The following MMP26 variants were observed in gnomAD, a reference collection of about 807,000 sequenced individuals.
MMP26 encodes the protein matrix metallopeptidase 26.
Under a neutral mutation model 31.0 loss-of-function variants are expected in MMP26, and 33 were observed. The observed-to-expected ratio is 1.06, with a 90% CI of 0.81 to 1.42. MMP26 has a LOEUF of 1.42. MMP26 is among the 40% of genes most tolerant of loss of function. The pLI is 0.00. For missense variants in MMP26, 347 were observed against 316.1 expected, an observed-to-expected ratio of 1.10 and a Z score of -0.74; for synonymous variants, 122 against 114.9, an observed-to-expected ratio of 1.06 and a Z score of -0.40.
rs190403536 is a variant in MMP26 at position 4,952,317 on chromosome 11, C to G, written c.-144-35751C>G. Among the ~76,000 whole-genome samples the G allele has an allele frequency of 2.1e-4, 26 of 125,006 alleles. 5 individuals carry two copies. In the East Asian group the frequency reaches 4.8e-3, roughly 23 times the overall value. The allele number at this position is 125,006 out of a possible 152,430, so 82.0% of individuals were successfully genotyped here. On this transcript the variant is annotated intron_variant, in intron 2 of 7. Transcript: ENST00000380390. ...GCTTATTAAAGCCAACTAATTGCTC[C>G]TCATCTTGTTAGTGGAAATGAAGTC...
intron 2 of MMP26, chr11:4,821,945 T>C: frequency 4.3e-6 from 7 of 1,613,996 alleles, no homozygotes; most frequent in Non-Finnish European, 5.1e-6. Context: ...AGTTCTATGG[T>C]CCTTTCACAT....
intron 2 of MMP26, among the ~76,000 whole-genome samples, chr11:4,898,556 G>A (rs566088348): frequency 1.1e-4 from 17 of 152,030 alleles, no homozygotes; most frequent in Non-Finnish European, 2.2e-4. Context: ...GTTTCTATGG[G>A]GATTAATGTA....
rs745311081 is a variant in MMP26 at position 4,821,902 on chromosome 11, G to A, written c.-145+54561G>A. Reference sequence around the variant, plus strand: ...AAGAAATGTTGCCGTCATGTTGCCAGTCATGCTCTTTGTCAAGAGGTTGTC... The same window carrying A: ...AAGAAATGTTGCCGTCATGTTGCCAATCATGCTCTTTGTCAAGAGGTTGTC... On this transcript the variant is annotated intron_variant, in intron 2 of 7. Coordinates refer to ENST00000380390, the MANE Select transcript of MMP26 (RefSeq NM_021801.5). The A allele has an allele frequency of 1.8e-5, 29 of 1,614,016 alleles. No homozygotes were observed. Among genetic ancestry groups the A allele is most frequent in the Non-Finnish European group, 2.3e-5 (27 of 1,179,978 alleles).
chr11:4,975,753 G>T (rs1352317901), intron 2 of MMP26, among the ~76,000 whole-genome samples: 1 of 151,956 alleles, frequency 6.6e-6, no homozygotes, highest in African/African-American at 2.4e-5. Flanking sequence ...TGGATGTATG[G>T]AGATACGGTT....
At chr11:4,844,673 T>G (rs1403074566) in intron 2 of MMP26, among the ~76,000 whole-genome samples, 1 of 152,136 alleles carries the variant, frequency 6.6e-6, no homozygotes, top group Non-Finnish European at 1.5e-5. Context: ...ATATGATCAT[T>G]TCAATTAATG....
At chr11:4,828,170 T>C (rs571077319) in intron 2 of MMP26, among the ~76,000 whole-genome samples, 1 of 152,274 alleles carries the variant, frequency 6.6e-6, no homozygotes, top group South Asian at 2.1e-4. Context: ...TGTATAAGAA[T>C]AGGAATGTGA....
At chr11:4,981,440 T>C (rs1189209675) in intron 2 of MMP26, among the ~76,000 whole-genome samples, 1 of 152,040 alleles carries the variant, frequency 6.6e-6, no homozygotes, top group Non-Finnish European at 1.5e-5. Context: ...TGTAACACAA[T>C]AGTAAATATC....
In MMP26 at chr11:4,924,222, C is replaced by T. The variant is rs138271821; in HGVS notation, c.-144-63846C>T. ...AGAATGGTGAGGTTCCCCAAGATAA[C>T]TGTCAGGTAGATGAAGCAGAAGGGA... is the stretch of plus-strand genomic sequence containing the variant. On this transcript the variant is annotated intron_variant, in intron 2 of 7. Coordinates refer to ENST00000380390, the MANE Select transcript of MMP26 (RefSeq NM_021801.5). 1.1e-3 allele frequency: 1,779 copies of T among 1,614,116 alleles called. 2 individuals are homozygous for T. The highest frequency in any genetic ancestry group is 1.4e-3 in the Non-Finnish European group (1,699 of 1,180,030).
At chr11:4,769,593 A>T (rs777828936) in intron 2 of MMP26, 8 of 1,613,332 alleles carry the variant, frequency 5.0e-6, no homozygotes, top group Non-Finnish European at 5.9e-6. Context: ...ATAAAAGTGA[A>T]TCCATGAAGA....
intron 2 of MMP26, among the ~76,000 whole-genome samples, chr11:4,789,043 G>T (rs1158721925): frequency 6.6e-6 from 1 of 152,124 alleles, no homozygotes; most frequent in Non-Finnish European, 1.5e-5. Context: ...TCTATTTGTG[G>T]GTAAGTGGAA....
At chr11:4,825,256 T>C (rs1427634909) in intron 2 of MMP26, among the ~76,000 whole-genome samples, 1 of 152,190 alleles carries the variant, frequency 6.6e-6, no homozygotes, top group East Asian at 1.9e-4. Flanking sequence ...CACTCAAATG[T>C]CAACATTCCA....
At chr11:4,920,670 G>A (rs1851169989) in intron 2 of MMP26, among the ~76,000 whole-genome samples, 1 of 152,148 alleles carries the variant, frequency 6.6e-6, no homozygotes, top group South Asian at 2.1e-4. Flanking sequence ...GTAGTGTTGT[G>A]TGCAGTTCTG....
chr11:4,963,050 C>T (rs1176034006), intron 2 of MMP26, among the ~76,000 whole-genome samples: 1 of 152,122 alleles, frequency 6.6e-6, no homozygotes, highest in African/African-American at 2.4e-5. Flanking sequence ...CCTGGGGATT[C>T]CAACTCAGCA....
chr11:4,719,095 G>C (rs2133272834), intron 1 of MMP26: 1 of 155,466 alleles, frequency 6.4e-6, no homozygotes, highest in African/African-American at 2.4e-5. Flanking sequence ...GACTCCTATG[G>C]TGTTGCTTCT....
At chr11:4,808,569 A>T (rs565471220) in intron 2 of MMP26, among the ~76,000 whole-genome samples, 1 of 151,982 alleles carries the variant, frequency 6.6e-6, no homozygotes, top group South Asian at 2.1e-4. Flanking sequence ...GGAAGTGATG[A>T]GTTTCTCCTC....
intron 2 of MMP26, chr11:4,945,215 A>G (rs1191313403): frequency 6.6e-6 from 1 of 152,178 alleles, no homozygotes; most frequent in Non-Finnish European, 1.5e-5. Flanking sequence ...GGGCTAGGTA[A>G]TCTATGAGGA....
intron 2 of MMP26, among the ~76,000 whole-genome samples, chr11:4,788,884 G>A (rs1352045215): frequency 6.6e-6 from 1 of 152,166 alleles, no homozygotes; most frequent in African/African-American, 2.4e-5. Flanking sequence ...ATGGATGGAA[G>A]GATATACAAG....
chr11:4,921,679 G>A (rs1410784026), intron 2 of MMP26, among the ~76,000 whole-genome samples: 2 of 152,068 alleles, frequency 1.3e-5, no homozygotes, highest in African/African-American at 2.4e-5. Flanking sequence ...TAAAATACTC[G>A]AGCCATTGTG....
At chr11:4,730,712 G>A (rs1285054493) in intron 1 of MMP26, among the ~76,000 whole-genome samples, 3 of 152,066 alleles carry the variant, frequency 2.0e-5, no homozygotes, top group Non-Finnish European at 4.4e-5. Context: ...AATCACACTG[G>A]TCCACCATAC....
Sources: allele counts gnomAD v4.1 joint callset (sites outside exome capture counted in the v4.1 genomes callset), GRCh38; gene constraint gnomAD v4.1.1; transcripts MANE v1.5; gene names NCBI Gene and HGNC (gene_info 2026-07-23, HGNC 2026-07-21).